AUTS2: variants seen among roughly 807,000 people sequenced by gnomAD.
AUTS2 encodes autism susceptibility gene 2 protein.
Under a neutral mutation model 112.4 loss-of-function variants are expected in AUTS2, and 17 were observed. The ratio of observed to expected loss-of-function variants is 0.15; its 90% CI spans 0.10 to 0.23. AUTS2 has a LOEUF of 0.23. Among genes scored for constraint, AUTS2 ranks in the 10% least tolerant of loss-of-function variants. AUTS2 has a pLI of 1.00. For synonymous variants in AUTS2, 751 were observed against 702.7 expected, an observed-to-expected ratio of 1.07 and a Z score of -1.09; for missense variants, 1,510 against 1,701.6, an observed-to-expected ratio of 0.89 and a Z score of 1.98.
intron 5 of AUTS2, among the ~76,000 whole-genome samples, chr7:70,587,524 T>C (rs989854056): frequency 6.6e-6 from 1 of 152,238 alleles, no homozygotes; most frequent in Non-Finnish European, 1.5e-5. Flanking sequence ...TATTTTACAT[T>C]GCAGCATCTG....
chr7:70,660,022 C>G (rs1806983806), intron 5 of AUTS2, among the ~76,000 whole-genome samples: 1 of 151,852 alleles, frequency 6.6e-6, no homozygotes, highest in Admixed American at 6.6e-5. Flanking sequence ...ACTAAAAATA[C>G]AAAAATTAGC....
chr7:69,759,127 C>G (rs886522664), intron 1 of AUTS2, among the ~76,000 whole-genome samples: 1 of 152,134 alleles, frequency 6.6e-6, no homozygotes, highest in Non-Finnish European at 1.5e-5. Flanking sequence ...CACAGAGAGA[C>G]TCGGTAATTT....
At chr7:70,134,276 A>G (rs892767623) in intron 3 of AUTS2, among the ~76,000 whole-genome samples, 5 of 152,152 alleles carry the variant, frequency 3.3e-5, no homozygotes, top group Non-Finnish European at 7.4e-5. Flanking sequence ...TGCCTGTCAA[A>G]TAAATTGGCA....
At chr7:70,190,255 T>C (rs1809812708) in intron 4 of AUTS2, among the ~76,000 whole-genome samples, 1 of 152,224 alleles carries the variant, frequency 6.6e-6, no homozygotes, top group African/African-American at 2.4e-5. Context: ...AAACCTGTGC[T>C]AGGTAATGCC....
rs187599270 is a variant in AUTS2, at chr7:70,656,933, A to T, written c.691-41636A>T. Among the ~76,000 whole-genome samples the T allele has an allele frequency of 1.9e-3, 285 of 152,332 alleles. 3 individuals are homozygous for T. Among genetic ancestry groups the T allele is most frequent in the African/African-American group, 6.5e-3 (270 of 41,564 alleles). On this transcript the variant is annotated intron_variant, in intron 5 of 18. Transcript: ENST00000342771. ...TGGGTTTATGCTGGGACTAGGTCAT[A>T]TCTGTATTTTAAAAATCCCAGAACA...
At chr7:70,235,703 G>A (rs981248034) in intron 4 of AUTS2, among the ~76,000 whole-genome samples, 22 of 151,458 alleles carry the variant, frequency 1.5e-4, no homozygotes, top group African/African-American at 5.3e-4. Context: ...CTGGGCTGGA[G>A]TGCAATGGTA....
chr7:69,653,615 A>T (rs1480118272), intron 1 of AUTS2, among the ~76,000 whole-genome samples: 1 of 151,270 alleles, frequency 6.6e-6, no homozygotes. Context: ...ATGTGCATGC[A>T]TGTGCCCACA....
rs550632157 is a variant in AUTS2, at chr7:70,210,890, A to T, written c.660+76319A>T. On this transcript the variant is annotated intron_variant, in intron 4 of 18. Transcript: ENST00000342771. ...AACACAGGATTTATTCCCAAGCTAA[A>T]CCTGTCTCTTGGGGTTTCTTATCTT... Among the ~76,000 whole-genome samples the T allele has an allele frequency of 1.6e-4, 25 of 152,106 alleles. No homozygotes were observed. The South Asian group carries it at 5.2e-3, about 32-fold the overall frequency.
intron 4 of AUTS2, among the ~76,000 whole-genome samples, chr7:70,281,117 G>A (rs1788196183): frequency 6.6e-6 from 1 of 152,128 alleles, no homozygotes; most frequent in South Asian, 2.1e-4. Flanking sequence ...GGATATCGGG[G>A]TAAACATCCA....
At chr7:70,644,242 A>G (rs1285716988) in intron 5 of AUTS2, among the ~76,000 whole-genome samples, 1 of 152,178 alleles carries the variant, frequency 6.6e-6, no homozygotes, top group East Asian at 1.9e-4. Context: ...TGTGTAAGTG[A>G]TACATGCTAA....
chr7:70,730,914 G>GC (rs1787346698), intron 6 of AUTS2, among the ~76,000 whole-genome samples: 1 of 152,164 alleles, frequency 6.6e-6, no homozygotes, highest in East Asian at 1.9e-4. Flanking sequence ...GTCAGCACTT[G>GC]CTATTGTCTG....
intron 2 of AUTS2, among the ~76,000 whole-genome samples, chr7:70,046,051 T>A (rs1258689530): frequency 1.3e-5 from 2 of 152,212 alleles, no homozygotes; most frequent in Admixed American, 1.3e-4. Context: ...CTATGCTTCC[T>A]GATAAAATAT....
At chr7:70,671,410 C>T (rs1477179389) in intron 5 of AUTS2, among the ~76,000 whole-genome samples, 1 of 152,224 alleles carries the variant, frequency 6.6e-6, no homozygotes, top group Non-Finnish European at 1.5e-5. Context: ...GCCCTAGCCC[C>T]TAGAATATCT....
intron 1 of AUTS2, among the ~76,000 whole-genome samples, chr7:69,742,666 A>G (rs1268450834): frequency 1.3e-5 from 2 of 152,220 alleles, no homozygotes; most frequent in African/African-American, 4.8e-5. Flanking sequence ...CGCTAGTTGT[A>G]TATACCTTTG....
At chr7:70,663,883 A>G (rs915780562) in intron 5 of AUTS2, among the ~76,000 whole-genome samples, 1 of 152,172 alleles carries the variant, frequency 6.6e-6, no homozygotes, top group African/African-American at 2.4e-5. Context: ...AATCACTACC[A>G]CATCTCAGAA....
At chr7:70,398,809 G>T (rs990946765) in intron 4 of AUTS2, among the ~76,000 whole-genome samples, 1 of 152,032 alleles carries the variant, frequency 6.6e-6, no homozygotes, top group African/African-American at 2.4e-5. Context: ...GCATTCAGTT[G>T]TTCACCATAA....
chr7:69,969,920 G>T (rs999789001), intron 2 of AUTS2, among the ~76,000 whole-genome samples: 2 of 152,230 alleles, frequency 1.3e-5, no homozygotes, highest in Admixed American at 6.5e-5. Flanking sequence ...TTAGGAAGAT[G>T]ATTTAATCAG....
At chr7:69,831,965 T>C (rs1791519700) in intron 1 of AUTS2, among the ~76,000 whole-genome samples, 1 of 152,242 alleles carries the variant, frequency 6.6e-6, no homozygotes, top group South Asian at 2.1e-4. Context: ...GGGTTTTAAC[T>C]CATTCAGTAA....
chr7:69,765,710 C>T (rs755530912), intron 1 of AUTS2, among the ~76,000 whole-genome samples: 15 of 151,908 alleles, frequency 9.9e-5, no homozygotes, highest in Non-Finnish European at 1.5e-4. Flanking sequence ...GAGTCCGAAG[C>T]GGGAGGATTG....
Sources: gnomAD v4.1 joint callset for allele counts (sites outside exome capture counted in the v4.1 genomes callset) on GRCh38, gnomAD v4.1.1 for gene constraint, MANE v1.5 for transcripts, NCBI Gene and HGNC (gene_info 2026-07-23, HGNC 2026-07-21) for gene names.